The following ZNF652 variants were observed in gnomAD, a reference collection of about 807,000 sequenced individuals.
The protein encoded by ZNF652 is zinc finger protein 652.
Under a neutral mutation model 45.2 loss-of-function variants are expected in ZNF652, and 16 were observed. That is an observed-to-expected ratio of 0.35 (90% CI 0.24 to 0.54). The LOEUF (loss-of-function observed/expected upper bound fraction) is 0.54. Among genes scored for constraint, ZNF652 ranks in the 20% least tolerant of loss-of-function variants. The probability of loss-of-function intolerance (pLI) is 0.91; values close to 1 mark genes in which losing one functional copy is unlikely to be tolerated. For missense variants in ZNF652, 614 were observed against 765.6 expected (o/e 0.80, Z 2.34); for synonymous variants, 250 against 260.6 (o/e 0.96, Z 0.39).
At position 49,290,292 on chromosome 17, in the gene ZNF652, G is replaced by A. The variant is rs1201934932; in HGVS notation, c.*8121C>T. 6.6e-6 allele frequency: 1 copy of A among 152,218 alleles called. No individual in the cohort carries two copies. The highest frequency in any genetic ancestry group is 6.5e-5 in the Admixed American group (1 of 15,272). The allele number at this position is 152,218 out of a possible 1,614,324, so 9.4% of individuals were successfully genotyped here. On this transcript the variant is annotated 3_prime_UTR_variant, in exon 6 of 6. Coordinates refer to ENST00000430262, the MANE Select transcript of ZNF652 (RefSeq NM_001145365.3). The stretch of plus-strand genomic sequence containing the variant: ...CAGGTTGATTACTGACCTGTTTGTT[G>A]TGAAGATGCTGCTGCAATAAGCACA...
At position 49,348,373 on chromosome 17, in the gene ZNF652, C is replaced by A. The variant is rs530417235; in HGVS notation, c.-259+13536G>T. Among the ~76,000 whole-genome samples the A allele has an allele frequency of 1.5e-4, 23 of 151,688 alleles. No homozygotes were observed. In the East Asian group the frequency reaches 4.5e-3, roughly 30 times the overall value. On this transcript the variant is annotated intron_variant, in intron 1 of 5. Transcript: ENST00000430262. Reference sequence around the variant, plus strand: ...ACAGTGGTGTGTGTGTGCCTCCCAGCTACTTGGGAGGCTGAAGCAAGAGGA... The same window carrying A: ...ACAGTGGTGTGTGTGTGCCTCCCAGATACTTGGGAGGCTGAAGCAAGAGGA...
At chr17:49,327,783 T>A (rs74510277) in intron 1 of ZNF652, among the ~76,000 whole-genome samples, 19 of 12,818 alleles carry the variant, frequency 1.5e-3, no homozygotes, top group Middle Eastern at 0.042. Context: ...ATATATATTT[T>A]TTTTTTTTTT....
chr17:49,329,932 A>G (rs576760821), intron 1 of ZNF652, among the ~76,000 whole-genome samples: 1 of 152,228 alleles, frequency 6.6e-6, no homozygotes, highest in Non-Finnish European at 1.5e-5. Flanking sequence ...ACTTTCACCA[A>G]TAAGCACCAC....
intron 1 of ZNF652, among the ~76,000 whole-genome samples, chr17:49,351,022 C>CTGT (rs1567700336): frequency 2.5e-4 from 24 of 96,750 alleles, no homozygotes; most frequent in South Asian, 4.0e-4. Context: ...TATACACACA[C>CTGT]ACACACACAC....
At chr17:49,288,204 G>A (rs948827460), downstream of ZNF652, 97 of 151,878 alleles carry the variant, frequency 6.4e-4, no homozygotes, top group African/African-American at 2.3e-3. Flanking sequence ...AATATTTCTT[G>A]CTATGGGGTC....
At chr17:49,339,115 A>G (rs2070114941) in intron 1 of ZNF652, among the ~76,000 whole-genome samples, 1 of 152,240 alleles carries the variant, frequency 6.6e-6, no homozygotes, top group Admixed American at 6.5e-5. Flanking sequence ...ACACTAGTTA[A>G]AAGTGTGATC....
chr17:49,311,686 G>C (rs2069713915), intron 4 of ZNF652, among the ~76,000 whole-genome samples: 1 of 152,166 alleles, frequency 6.6e-6, no homozygotes, highest in Admixed American at 6.5e-5. Context: ...ACTGAGAAAA[G>C]AAAAATAAGT....
intron 1 of ZNF652, among the ~76,000 whole-genome samples, chr17:49,342,399 T>C (rs550455762): frequency 6.6e-6 from 1 of 152,094 alleles, no homozygotes; most frequent in East Asian, 1.9e-4. Context: ...AAGGGGATAA[T>C]TTCAAAGTTA....
intron 1 of ZNF652, among the ~76,000 whole-genome samples, chr17:49,329,090 T>A (rs2069996431): frequency 6.6e-6 from 1 of 152,222 alleles, no homozygotes; most frequent in Admixed American, 6.5e-5. Flanking sequence ...GTGAAACTCA[T>A]ACCTTCCTTC....
intron 1 of ZNF652, among the ~76,000 whole-genome samples, chr17:49,332,785 T>C (rs1353676732): frequency 2.0e-5 from 3 of 152,208 alleles, no homozygotes; most frequent in Admixed American, 6.5e-5. Flanking sequence ...CAGCCTGTAG[T>C]ATATATTTAC....
chr17:49,356,071 T>C (rs1192236157), intron 1 of ZNF652, among the ~76,000 whole-genome samples: 1 of 152,008 alleles, frequency 6.6e-6, no homozygotes, highest in African/African-American at 2.4e-5. Flanking sequence ...TCTTTGAGAA[T>C]GTGCTAAAAA....
intron 1 of ZNF652, among the ~76,000 whole-genome samples, chr17:49,350,804 T>C (rs981289643): frequency 2.0e-5 from 3 of 151,010 alleles, no homozygotes; most frequent in African/African-American, 7.3e-5. Context: ...ACCCCATCTC[T>C]ACTAAAAATA....
chr17:49,339,513 T>C (rs1030910231), intron 1 of ZNF652, among the ~76,000 whole-genome samples: 5 of 152,150 alleles, frequency 3.3e-5, no homozygotes, highest in African/African-American at 1.2e-4. Context: ...CTCGTGGCAC[T>C]AGCCAGAAAT....
chr17:49,340,929 A>G (rs1384617085), intron 1 of ZNF652, among the ~76,000 whole-genome samples: 1 of 152,116 alleles, frequency 6.6e-6, no homozygotes, highest in African/African-American at 2.4e-5. Context: ...TAGAAGAAAA[A>G]GTATGGCCAG....
chr17:49,313,579 T>C lies in ZNF652; in HGVS notation c.901-734A>G, dbSNP rs563810644. Among the ~76,000 whole-genome samples the C allele has an allele frequency of 4.6e-5, 7 of 152,296 alleles. No individual in the cohort carries two copies. The East Asian group carries it at 1.3e-3, about 29-fold the overall frequency. On this transcript the variant is annotated intron_variant, in intron 2 of 5. Transcript: ENST00000430262. ...GGTTTTACCAGAGAATATAAACTAA[T>C]TTTAAATTAGTGTAATAAAAACAAG...
At chr17:49,311,263 T>G in intron 5 of ZNF652, 49 bp downstream of exon 5, 3 of 1,568,738 alleles carry the variant, frequency 1.9e-6, no homozygotes, top group Non-Finnish European at 2.6e-6. Context: ...CAGATGATCA[T>G]CAACAAGTGC....
intron 1 of ZNF652, among the ~76,000 whole-genome samples, chr17:49,354,779 G>A (rs893703231): frequency 5.9e-5 from 9 of 151,748 alleles, no homozygotes; most frequent in Admixed American, 1.3e-4. Context: ...AGGCTGGAGT[G>A]CAGTGGTGCA....
At chr17:49,336,893 T>G (rs890853962) in intron 1 of ZNF652, among the ~76,000 whole-genome samples, 3 of 151,014 alleles carry the variant, frequency 2.0e-5, no homozygotes, top group African/African-American at 7.3e-5. Flanking sequence ...ATGCTGGGAT[T>G]ATAGGCATGA....
At chr17:49,307,720 C>G (rs150243591) in intron 5 of ZNF652, among the ~76,000 whole-genome samples, 3,921 of 152,172 alleles carry the variant, frequency 0.026, 159 homozygotes, top group African/African-American at 0.086. Context: ...CCACTGCACT[C>G]CAGCCTGGGC....
Sources: gnomAD v4.1 joint callset for allele counts (sites outside exome capture counted in the v4.1 genomes callset) on GRCh38, gnomAD v4.1.1 for gene constraint, MANE v1.5 for transcripts, NCBI Gene and HGNC (gene_info 2026-07-23, HGNC 2026-07-21) for gene names.